The following PCLO variants were observed in gnomAD, a reference collection of about 807,000 sequenced individuals.
The protein encoded by PCLO is piccolo presynaptic cytomatrix protein, also known as protein piccolo.
A neutral mutation model predicts 427.5 loss-of-function variants in PCLO; 82 were observed. That is an observed-to-expected ratio of 0.19 (90% CI 0.16 to 0.23). The LOEUF (loss-of-function observed/expected upper bound fraction) is 0.23. Among genes scored for constraint, PCLO ranks in the 10% least tolerant of loss-of-function variants. The probability of loss-of-function intolerance (pLI) is 1.00; values close to 1 mark genes in which losing one functional copy is unlikely to be tolerated. For missense variants in PCLO, 6,239 were observed against 6,115.9 expected (o/e 1.02, Z -0.67); for synonymous variants, 2,357 against 2,155.4 (o/e 1.09, Z -2.59).
At chr7:83,122,378 C>T (rs1417699872) in intron 3 of PCLO, among the ~76,000 whole-genome samples, 2 of 151,232 alleles carry the variant, frequency 1.3e-5, no homozygotes, top group Admixed American at 1.3e-4. Flanking sequence ...CTCTGACTCC[C>T]AGGTTCAAGT....
intron 3 of PCLO, among the ~76,000 whole-genome samples, chr7:83,132,735 T>C (rs975867306): frequency 6.6e-6 from 1 of 152,202 alleles, no homozygotes; most frequent in Non-Finnish European, 1.5e-5. Flanking sequence ...TATAGTTTTG[T>C]TTTTAGAAAT....
chr7:83,101,123 G>T (rs1476218485), intron 3 of PCLO, among the ~76,000 whole-genome samples: 2 of 151,676 alleles, frequency 1.3e-5, no homozygotes, highest in Non-Finnish European at 2.9e-5. Context: ...AAATTAATTA[G>T]CATAATAGCT....
chr7:82,917,138 G>C (rs1794487127), intron 6 of PCLO, among the ~76,000 whole-genome samples: 1 of 151,992 alleles, frequency 6.6e-6, no homozygotes, highest in African/African-American at 2.4e-5. Context: ...ATATACATAA[G>C]ATTATTTACT....
At chr7:82,969,025 G>T (rs919138576) in intron 3 of PCLO, among the ~76,000 whole-genome samples, 2 of 152,044 alleles carry the variant, frequency 1.3e-5, no homozygotes, top group African/African-American at 4.8e-5. Context: ...AAAGAAGTGA[G>T]ACTATTCTAT....
At chr7:82,797,957 T>G (rs555656772) in intron 22 of PCLO, among the ~76,000 whole-genome samples, 2 of 152,278 alleles carry the variant, frequency 1.3e-5, no homozygotes, top group African/African-American at 2.4e-5. Flanking sequence ...AGAACATGGC[T>G]ATTTAACATT....
chr7:82,758,568 T>G lies in PCLO; in HGVS notation c.*7A>C, dbSNP rs759141350. The G allele has an allele frequency of 6.2e-7, 1 of 1,607,344 alleles. No individual in the cohort carries two copies. The highest frequency in any genetic ancestry group is 8.5e-7 in the Non-Finnish European group (1 of 1,176,850). ...GCAGTTTCTATACCCTGAGAAGACA[T>G]GTTTCTTCAATGCGTTTGAGTAGGA... On this transcript the variant is annotated 3_prime_UTR_variant, in exon 25 of 25. Coordinates refer to ENST00000333891, the MANE Select transcript of PCLO (RefSeq NM_033026.6).
At chr7:83,030,409 G>A (rs1406683233) in intron 3 of PCLO, among the ~76,000 whole-genome samples, 2 of 152,144 alleles carry the variant, frequency 1.3e-5, no homozygotes, top group East Asian at 3.9e-4. Context: ...CATGAGCAAA[G>A]GCATGGTCAA....
At chr7:83,162,205 T>C (rs1792456310) in intron 1 of PCLO, 140 bp downstream of exon 1, 1 of 992,266 alleles carries the variant, frequency 1.0e-6, no homozygotes, top group South Asian at 1.7e-5. Flanking sequence ...TTAGGATCTC[T>C]CTATGGCCAC....
Position 82,950,017 on chromosome 7 carries a change from A to G in PCLO, c.10571T>C (p.Ile3524Thr). 1 of 1,613,120 alleles carries G rather than the reference A, an allele frequency of 6.2e-7. No individual in the cohort carries two copies. Among genetic ancestry groups the G allele is most frequent in the Non-Finnish European group, 8.5e-7 (1 of 1,179,724 alleles). The change falls in exon 6 of 25, where the codon ATA becomes ACA. Residue 3524 changes from isoleucine (I) to threonine (T), a missense_variant. By Grantham distance (89) the Ile-to-Thr change is moderately conservative (BLOSUM62 -1). Coordinates refer to ENST00000333891, the MANE Select transcript of PCLO (RefSeq NM_033026.6). ...TCCAACTGGTTCAGTTTGCACAGAT[A>G]TCTCTGCTACCGTTTGAACTGCTAT... The part of the protein sequence containing the change: ...SSIAVQTVAE[I>T]SVQTEPVGTI...
At chr7:82,866,655 TACACACACACACACACACACACACAC>T (rs71096605) in intron 10 of PCLO, among the ~76,000 whole-genome samples, 3 of 143,108 alleles carry the variant, frequency 2.1e-5, no homozygotes, top group African/African-American at 7.7e-5. Context: ...TGAAATTTTA[TACACACACACACACACACACACACAC>T]ACACACACAC....
intron 10 of PCLO, among the ~76,000 whole-genome samples, chr7:82,867,434 G>T (rs2115957794): frequency 6.6e-6 from 1 of 152,240 alleles, no homozygotes; most frequent in Admixed American, 6.5e-5. Context: ...TACCAGATCT[G>T]AATTTAAATC....
At chr7:82,989,842 G>T (rs1796338271) in intron 3 of PCLO, among the ~76,000 whole-genome samples, 1 of 152,112 alleles carries the variant, frequency 6.6e-6, no homozygotes, top group African/African-American at 2.4e-5. Context: ...ATGGTCCAAA[G>T]ATTTGAATCT....
At chr7:83,055,204 T>C (rs73710118) in intron 3 of PCLO, among the ~76,000 whole-genome samples, 1,648 of 152,156 alleles carry the variant, frequency 0.011, 36 homozygotes, top group African/African-American at 0.038. Flanking sequence ...AAGGGCCACA[T>C]AAACTGTGGA....
In PCLO at chr7:82,955,748, T is replaced by C. The variant is rs778062734; in HGVS notation, c.5205A>G (p.Ser1735=). The C allele has an allele frequency of 2.5e-6, 4 of 1,613,930 alleles. No individual in the cohort carries two copies. Among genetic ancestry groups the C allele is most frequent in the Non-Finnish European group, 3.4e-6 (4 of 1,179,828 alleles). ...FTPGTSPTSV[S]SLDEDSDSSP... is the part of the protein sequence containing the mutation. ...TACTGTCACTGTCCTCATCAAGTGA[T>C]GATACTGATGTAGGGGATGTACCAG... The change falls in exon 5 of 25, where the codon TCA becomes TCG. Residue 1735 remains serine, a synonymous_variant. Coordinates refer to ENST00000333891, the MANE Select transcript of PCLO (RefSeq NM_033026.6).
intron 22 of PCLO, 86 bp from the exon 23 acceptor site, chr7:82,761,579 A>T: frequency 1.1e-6 from 1 of 947,852 alleles, no homozygotes. Context: ...ACATTCATTT[A>T]CTCTTTATCA....
Position 83,094,210 on chromosome 7 carries a change from C to CTGTTTTTTTTTTTTTTT in PCLO, c.3300+40039_3300+40040insAAAAAAAAAAAAAAACA, listed in dbSNP as rs61363541. Among the ~76,000 whole-genome samples, 3 of 126,020 alleles carry CTGTTTTTTTTTTTTTTT rather than the reference C, an allele frequency of 2.4e-5. 1 individual carries two copies. The allele number at this position is 126,020 out of a possible 152,430, so 82.7% of individuals were successfully genotyped here. A position where few individuals can be genotyped will look rare whatever the true frequency, so the allele number is the denominator to read the frequency against. On this transcript the variant is annotated intron_variant, in intron 3 of 24. Transcript: ENST00000333891. ...AACCTTTTGGGACTGATTTTTTTTT[C>CTGTTTTTTTTTTTTTTT]TTTTTTTTTTTTTTTTTGAGACAGA...
chr7:82,792,637 A>G (rs1791128388), intron 22 of PCLO, among the ~76,000 whole-genome samples: 1 of 151,946 alleles, frequency 6.6e-6, no homozygotes, highest in African/African-American at 2.4e-5. Context: ...ACCATTTTAT[A>G]TTTTTGACTT....
intron 3 of PCLO, among the ~76,000 whole-genome samples, chr7:82,990,020 G>A (rs1264077963): frequency 6.6e-6 from 1 of 152,096 alleles, no homozygotes; most frequent in Non-Finnish European, 1.5e-5. Flanking sequence ...CAAGTAATGA[G>A]AGAGACTGAA....
At chr7:82,795,146 G>A (rs1180269897) in intron 22 of PCLO, among the ~76,000 whole-genome samples, 2 of 151,944 alleles carry the variant, frequency 1.3e-5, no homozygotes, top group East Asian at 1.9e-4. Context: ...GTAATGACTA[G>A]AAGTCTAATT....
Sources: gnomAD v4.1 joint callset for allele counts (sites outside exome capture counted in the v4.1 genomes callset) on GRCh38, gnomAD v4.1.1 for gene constraint, MANE v1.5 for transcripts, NCBI Gene and HGNC (gene_info 2026-07-23, HGNC 2026-07-21) for gene names.